FAM53B: variants seen among roughly 807,000 people sequenced by gnomAD.
FAM53B encodes protein FAM53B.
FAM53B carries 12 observed loss-of-function variants against 32.7 expected under a neutral mutation model. That is an observed-to-expected ratio of 0.37 (90% CI 0.24 to 0.59). The LOEUF is 0.59. Ranked by LOEUF, FAM53B falls within the 20% of genes least tolerant of loss-of-function variation. The pLI is 0.72. For synonymous variants in FAM53B, 234 were observed against 228.7 expected (o/e 1.02, Z -0.21); for missense variants, 477 against 577.7 (o/e 0.83, Z 1.79).
intron 4 of FAM53B, among the ~76,000 whole-genome samples, chr10:124,646,153 C>A (rs567367627): frequency 6.6e-6 from 1 of 152,194 alleles, no homozygotes; most frequent in Non-Finnish European, 1.5e-5. Flanking sequence ...GAGCATCTAG[C>A]GGATGGAGTC....
intron 1 of FAM53B, among the ~76,000 whole-genome samples, chr10:124,712,944 G>A (rs796269245): frequency 2.6e-5 from 4 of 152,368 alleles, no homozygotes; most frequent in African/African-American, 7.2e-5. Context: ...CACCCCAAGA[G>A]TGCATCTGCC....
chr10:124,629,010 G>C (rs1045899346), intron 4 of FAM53B, among the ~76,000 whole-genome samples: 16 of 152,374 alleles, frequency 1.1e-4, no homozygotes, highest in East Asian at 3.9e-4. Context: ...CCCGCTTCTA[G>C]AGACCCAATC....
At chr10:124,694,156 C>G (rs994277693) in intron 3 of FAM53B, among the ~76,000 whole-genome samples, 4 of 152,258 alleles carry the variant, frequency 2.6e-5, no homozygotes, top group Admixed American at 2.0e-4. Flanking sequence ...TGCCCTGGCA[C>G]TGTCCCACAG....
chr10:124,654,851 G>A lies in FAM53B; in HGVS notation c.906+26756C>T, dbSNP rs562999435. 6.6e-5 allele frequency among the ~76,000 whole-genome samples: 10 copies of A among 152,310 alleles called. No homozygotes were observed. In the East Asian group the frequency reaches 9.6e-4, roughly 15 times the overall value. On this transcript the variant is annotated intron_variant, in intron 4 of 4. Transcript: ENST00000337318. ...AGGAGGCCCCGGCGTGCCTCTGCTC[G>A]CCCTGTCTGTGTCTGGTCTAAGGAG...
At chr10:124,642,516 G>A (rs1949483469) in intron 4 of FAM53B, among the ~76,000 whole-genome samples, 1 of 152,226 alleles carries the variant, frequency 6.6e-6, no homozygotes. Flanking sequence ...GGCCCAACAG[G>A]CAGATGGGTG....
At chr10:124,728,684 A>C (rs1445511161) in intron 1 of FAM53B, among the ~76,000 whole-genome samples, 1 of 152,242 alleles carries the variant, frequency 6.6e-6, no homozygotes, top group Admixed American at 6.5e-5. Context: ...TTTTATTTCA[A>C]AATAGCCCAG....
intron 4 of FAM53B, among the ~76,000 whole-genome samples, chr10:124,679,993 A>G (rs1949759462): frequency 6.6e-6 from 1 of 152,234 alleles, no homozygotes; most frequent in African/African-American, 2.4e-5. Context: ...AGCCATTATC[A>G]TACCCAGAAC....
At chr10:124,645,579 T>C (rs1158638450) in intron 4 of FAM53B, among the ~76,000 whole-genome samples, 1 of 152,174 alleles carries the variant, frequency 6.6e-6, no homozygotes, top group African/African-American at 2.4e-5. Flanking sequence ...CCTGAAATCC[T>C]GATTAATGGG....
intron 1 of FAM53B, chr10:124,713,341 C>A (rs1461721858): frequency 6.6e-6 from 1 of 152,264 alleles, no homozygotes; most frequent in African/African-American, 2.4e-5. Context: ...CTCCCCAGGC[C>A]ACTCTGTCTC....
intron 4 of FAM53B, among the ~76,000 whole-genome samples, chr10:124,665,941 C>T (rs1949669646): frequency 6.6e-6 from 1 of 152,120 alleles, no homozygotes; most frequent in Admixed American, 6.5e-5. Context: ...CAGCTGTCTC[C>T]ACCCCAGCCC....
In FAM53B at chr10:124,670,957, C is replaced by T. The variant is rs577977948; in HGVS notation, c.906+10650G>A. ...AGCTGAATGCCAGGTGGCCAGCACA[C>T]TCCAGGCAAGGATCTGCTGAGTGAA... On this transcript the variant is annotated intron_variant, in intron 4 of 4. Transcript: ENST00000337318. 1.1e-4 allele frequency among the ~76,000 whole-genome samples: 17 copies of T among 152,338 alleles called. No homozygotes were observed. In the East Asian group the frequency reaches 3.3e-3, roughly 29 times the overall value.
chr10:124,708,673 G>A (rs980370276), intron 1 of FAM53B, among the ~76,000 whole-genome samples: 2 of 152,238 alleles, frequency 1.3e-5, no homozygotes, highest in African/African-American at 4.8e-5. Flanking sequence ...CCTTTCAAAG[G>A]GGCCTTTTGT....
intron 4 of FAM53B, among the ~76,000 whole-genome samples, chr10:124,667,758 A>G (rs952680828): frequency 1.3e-5 from 2 of 152,234 alleles, no homozygotes; most frequent in African/African-American, 2.4e-5. Context: ...CAAATGGAAG[A>G]TTTCATAAGA....
chr10:124,627,036 G>A (rs763935893), intron 4 of FAM53B, among the ~76,000 whole-genome samples: 13 of 152,240 alleles, frequency 8.5e-5, no homozygotes, highest in Non-Finnish European at 1.8e-4. Context: ...AAATATACCT[G>A]CTTCCTGGCC....
At chr10:124,640,460 T>C (rs1949463324) in intron 4 of FAM53B, among the ~76,000 whole-genome samples, 2 of 152,190 alleles carry the variant, frequency 1.3e-5, no homozygotes, top group Admixed American at 6.5e-5. Context: ...AAATCATTCT[T>C]AAATCCATGT....
At chr10:124,723,835 T>C (rs181314917) in intron 1 of FAM53B, among the ~76,000 whole-genome samples, 3 of 152,346 alleles carry the variant, frequency 2.0e-5, no homozygotes, top group Non-Finnish European at 4.4e-5. Context: ...TATACACATG[T>C]GACGCTGCGC....
At chr10:124,641,287 C>G (rs779550899) in intron 4 of FAM53B, among the ~76,000 whole-genome samples, 16 of 152,240 alleles carry the variant, frequency 1.1e-4, no homozygotes, top group Non-Finnish European at 1.0e-4. Flanking sequence ...GCCAGTTTAA[C>G]TCTGAGCCCC....
intron 4 of FAM53B, among the ~76,000 whole-genome samples, chr10:124,675,882 G>A (rs1949733569): frequency 6.6e-6 from 1 of 152,220 alleles, no homozygotes; most frequent in South Asian, 2.1e-4. Context: ...CTCAAGTGAG[G>A]GGATTAGAAC....
chr10:124,623,062 G>C lies in FAM53B; in HGVS notation c.*180C>G. On this transcript the variant is annotated 3_prime_UTR_variant, in exon 5 of 5. Transcript: ENST00000337318. ...TGAGAGGCTGACACACCCGCTGTAT[G>C]ACGCGGCCAGGCCAGGCTCTCCCCC... 1.3e-6 allele frequency: 1 copy of C among 764,962 alleles called. No individual in the cohort carries two copies. The highest frequency in any genetic ancestry group is 2.0e-6 in the Non-Finnish European group (1 of 488,832). The allele number at this position is 764,962 out of a possible 1,614,324, so 47.4% of individuals were successfully genotyped here. A position where few individuals can be genotyped will look rare whatever the true frequency, so the allele number is the denominator to read the frequency against.
Sources: allele counts gnomAD v4.1 joint callset (sites outside exome capture counted in the v4.1 genomes callset), GRCh38; gene constraint gnomAD v4.1.1; transcripts MANE v1.5; gene names NCBI Gene and HGNC (gene_info 2026-07-23, HGNC 2026-07-21).